The following EEFSEC variants were observed in gnomAD, a reference collection of about 807,000 sequenced individuals.
EEFSEC encodes eukaryotic elongation factor, selenocysteine-tRNA specific.
A neutral mutation model predicts 42.1 loss-of-function variants in EEFSEC; 43 were observed. The ratio of observed to expected loss-of-function variants is 1.02; its 90% CI spans 0.80 to 1.32. The LOEUF (loss-of-function observed/expected upper bound fraction) is 1.32, where lower values mean the gene tolerates loss of function less well. Ranked by LOEUF, EEFSEC falls within the 40% of genes most tolerant of loss-of-function variation. The pLI is 0.00. For synonymous variants in EEFSEC, 354 were observed against 339.1 expected (o/e 1.04, Z -0.48); for missense variants, 745 against 803.6 (o/e 0.93, Z 0.88).
chr3:128,353,074 G>A (rs1466440411), intron 5 of EEFSEC, among the ~76,000 whole-genome samples: 3 of 152,132 alleles, frequency 2.0e-5, no homozygotes, highest in Non-Finnish European at 2.9e-5. Flanking sequence ...GGGAAAGAAC[G>A]TATAACAAAA....
chr3:128,368,933 C>T (rs1403809625), intron 6 of EEFSEC, among the ~76,000 whole-genome samples: 1 of 152,246 alleles, frequency 6.6e-6, no homozygotes, highest in Admixed American at 6.5e-5. Flanking sequence ...GTGGCATTAC[C>T]ACTTCCAATT....
chr3:128,212,631 G>T (rs1331155696), intron 1 of EEFSEC, among the ~76,000 whole-genome samples: 1 of 152,214 alleles, frequency 6.6e-6, no homozygotes, highest in East Asian at 1.9e-4. Context: ...ACATGGAGAA[G>T]ATCTGGTTTA....
At chr3:128,171,743 A>G (rs1168264536) in intron 1 of EEFSEC, among the ~76,000 whole-genome samples, 2 of 152,046 alleles carry the variant, frequency 1.3e-5, no homozygotes, top group African/African-American at 2.4e-5. Flanking sequence ...AAGTTCTTCC[A>G]TGGTGTTTTT....
At chr3:128,164,757 T>C (rs1034798039) in intron 1 of EEFSEC, among the ~76,000 whole-genome samples, 1 of 152,000 alleles carries the variant, frequency 6.6e-6, no homozygotes, top group Non-Finnish European at 1.5e-5. Context: ...TTCCAGAGGG[T>C]AGCCCGGACC....
intron 5 of EEFSEC, 150 bp from the exon 6 acceptor site, chr3:128,358,067 G>T: frequency 7.4e-6 from 7 of 940,294 alleles, no homozygotes; most frequent in Non-Finnish European, 7.8e-6. Context: ...TGTTAGGTGG[G>T]CTCATCACCA....
chr3:128,400,149 C>A (rs2068032381), intron 6 of EEFSEC, among the ~76,000 whole-genome samples: 1 of 152,264 alleles, frequency 6.6e-6, no homozygotes, highest in Non-Finnish European at 1.5e-5. Flanking sequence ...TCCAGCCACG[C>A]CCTGACTTAG....
In EEFSEC at chr3:128,153,601, TC is replaced by T; in HGVS notation, c.96del (p.Thr33ProfsTer80). The T allele has an allele frequency of 6.3e-7, 1 of 1,591,380 alleles. No individual in the cohort carries two copies. The part of the protein sequence containing the change: ...ALARALSTTA[S>X]TAAFDKQPQS... Reference sequence around the variant, plus strand: ...GGCGCGGGCGCTAAGCACCACAGCCTCCACCGCCGCCTTTGACAAGCAGCCG... The same window carrying T: ...GGCGCGGGCGCTAAGCACCACAGCCTCACCGCCGCCTTTGACAAGCAGCCG... On this transcript the variant is annotated frameshift_variant, in exon 1 of 7. Coordinates refer to ENST00000254730, the MANE Select transcript of EEFSEC (RefSeq NM_021937.5). LOFTEE classifies it high-confidence loss of function.
intron 6 of EEFSEC, among the ~76,000 whole-genome samples, chr3:128,398,351 C>T (rs534200516): frequency 5.9e-5 from 9 of 152,230 alleles, no homozygotes; most frequent in Non-Finnish European, 1.2e-4. Flanking sequence ...GCGCCAGTCC[C>T]GAGGCTGGGG....
chr3:128,405,211 T>C (rs527379097), intron 6 of EEFSEC, among the ~76,000 whole-genome samples: 1 of 151,926 alleles, frequency 6.6e-6, no homozygotes, highest in South Asian at 2.1e-4. Context: ...GGAGACGGGG[T>C]TTCACCGTGT....
At chr3:128,413,499 C>T (rs2068188627), downstream of EEFSEC, among the ~76,000 whole-genome samples, 1 of 152,178 alleles carries the variant, frequency 6.6e-6, no homozygotes, top group Non-Finnish European at 1.5e-5. Context: ...GCAAAGGAGG[C>T]TGTCGGGCCG....
intron 1 of EEFSEC, among the ~76,000 whole-genome samples, chr3:128,176,434 G>T (rs2065348805): frequency 6.6e-6 from 1 of 152,078 alleles, no homozygotes; most frequent in African/African-American, 2.4e-5. Context: ...CACCAGAAGA[G>T]AAATGTGGGT....
At chr3:128,367,090 C>T (rs1167488915) in intron 6 of EEFSEC, among the ~76,000 whole-genome samples, 1 of 152,174 alleles carries the variant, frequency 6.6e-6, no homozygotes, top group Non-Finnish European at 1.5e-5. Context: ...TGTGTCCCAA[C>T]CTCTATTTTG....
intron 1 of EEFSEC, among the ~76,000 whole-genome samples, chr3:128,198,285 A>G (rs1354370339): frequency 6.6e-6 from 1 of 152,174 alleles, no homozygotes; most frequent in Non-Finnish European, 1.5e-5. Flanking sequence ...AATTTGGTAG[A>G]CTTGTACCGT....
rs376818454 is a variant in EEFSEC, at chr3:128,208,071, C to T, written c.317-38765C>T. Among the ~76,000 whole-genome samples the T allele has an allele frequency of 1.0e-3, 156 of 152,256 alleles. 1 individual carries two copies. The highest frequency in any genetic ancestry group is 3.6e-3 in the African/African-American group (151 of 41,548). On this transcript the variant is annotated intron_variant, in intron 1 of 6. Coordinates refer to ENST00000254730, the MANE Select transcript of EEFSEC (RefSeq NM_021937.5). ...TTGGGAAATTTTCTGTCCCGGGAGT[C>T]TGGATCAGTACTGCTACGGAAACTA...
intron 5 of EEFSEC, among the ~76,000 whole-genome samples, chr3:128,350,861 C>G (rs1031343237): frequency 6.6e-6 from 1 of 152,182 alleles, no homozygotes; most frequent in East Asian, 1.9e-4. Flanking sequence ...TCCCACCACA[C>G]CAGACCATGG....
chr3:128,327,298 C>CG (rs1199651246), intron 4 of EEFSEC, among the ~76,000 whole-genome samples: 3 of 150,186 alleles, frequency 2.0e-5, no homozygotes, highest in East Asian at 3.9e-4. Context: ...CCATCCCCCC[C>CG]CCCCCAAGGT....
At chr3:128,419,585 G>A in the EEFSEC span, among the ~76,000 whole-genome samples, 1 of 152,136 alleles carries the variant, frequency 6.6e-6, no homozygotes, top group Non-Finnish European at 1.5e-5. Flanking sequence ...GGTGGGAAAA[G>A]GGCACTCAGC....
rs571894010 is a variant in EEFSEC at position 128,341,253 on chromosome 3, C to T, written c.807C>T (p.Ser269=). ...ATCAGGTGGTGAAGAAGGTGAAGTCCATGCAGATGTTCCACATGCCCATCA... is the reference window on the plus strand; with the variant it reads ...ATCAGGTGGTGAAGAAGGTGAAGTCTATGCAGATGTTCCACATGCCCATCA... ...PALKVVKKVK[S]MQMFHMPITS... Residue 269 remains serine, a synonymous_variant, in exon 5 of 7, where the codon TCC becomes TCT. Coordinates refer to ENST00000254730, the MANE Select transcript of EEFSEC (RefSeq NM_021937.5). 6.2e-6 allele frequency: 10 copies of T among 1,610,642 alleles called. No homozygotes were observed. Among genetic ancestry groups the T allele is most frequent in the South Asian group, 1.1e-5 (1 of 90,386 alleles).
At position 128,176,619 on chromosome 3, in the gene EEFSEC, GA is replaced by G. The variant is rs112994293; in HGVS notation, c.316+22803del. On this transcript the variant is annotated intron_variant, in intron 1 of 6. Transcript: ENST00000254730. ...AATAATTTATGCATTAATACTAAAG[GA>G]AAAAAATGCATAGAACAGCATAAAT... Among the ~76,000 whole-genome samples the G allele has an allele frequency of 2.0e-5, 3 of 151,948 alleles. No individual in the cohort carries two copies. In the South Asian group the frequency reaches 6.2e-4, roughly 31 times the overall value.
Sources: allele counts gnomAD v4.1 joint callset (sites outside exome capture counted in the v4.1 genomes callset), GRCh38; gene constraint gnomAD v4.1.1; transcripts MANE v1.5; gene names NCBI Gene and HGNC (gene_info 2026-07-23, HGNC 2026-07-21).